Variants in CTNNBL1 observed in about 807,000 individuals in gnomAD.
CTNNBL1 encodes beta-catenin-like protein 1.
A neutral mutation model predicts 72.7 loss-of-function variants in CTNNBL1; 31 were observed. The ratio of observed to expected loss-of-function variants is 0.43; its 90% CI spans 0.32 to 0.58. The LOEUF (loss-of-function observed/expected upper bound fraction) is 0.58. CTNNBL1 is among the 20% of genes least tolerant of loss of function. The pLI, the probability that CTNNBL1 is intolerant of heterozygous loss-of-function variation, is 0.08. For synonymous variants in CTNNBL1, 240 were observed against 267.3 expected, an observed-to-expected ratio of 0.90 and a Z score of 1.00; for missense variants, 534 against 725.1, an observed-to-expected ratio of 0.74 and a Z score of 3.03.
chr20:37,817,241 A>G (rs900127008), intron 11 of CTNNBL1, among the ~76,000 whole-genome samples: 1 of 152,228 alleles, frequency 6.6e-6, no homozygotes, highest in Non-Finnish European at 1.5e-5. Flanking sequence ...TTAATCACCA[A>G]GGCAACAATC....
At chr20:37,844,431 A>G (rs1434581129) in intron 13 of CTNNBL1, among the ~76,000 whole-genome samples, 1 of 152,200 alleles carries the variant, frequency 6.6e-6, no homozygotes, top group African/African-American at 2.4e-5. Context: ...TAACTCTGCC[A>G]TTTTTGGACA....
intron 1 of CTNNBL1, among the ~76,000 whole-genome samples, chr20:37,714,988 C>A (rs1425794797): frequency 1.3e-5 from 2 of 152,172 alleles, no homozygotes; most frequent in South Asian, 4.1e-4. Context: ...CACCGCACCT[C>A]ACCCCCCCGT....
At chr20:37,782,322 A>C (rs979864791) in intron 10 of CTNNBL1, among the ~76,000 whole-genome samples, 1 of 152,190 alleles carries the variant, frequency 6.6e-6, no homozygotes, top group African/African-American at 2.4e-5. Context: ...TTATTGATGA[A>C]GAAAGATCAC....
rs1382737460 is a variant in CTNNBL1 at position 37,750,691 on chromosome 20, A to G, written c.466+4084A>G. On this transcript the variant is annotated intron_variant, in intron 4 of 15. Coordinates refer to ENST00000361383, the MANE Select transcript of CTNNBL1 (RefSeq NM_030877.5). ...AAATTGATAAATATTCTGTTTTTGT[A>G]TGTCTTTTGCCATGTTCTTAATTTG... The G allele has an allele frequency of 3.3e-5, 5 of 152,178 alleles. No homozygotes were observed. In the South Asian group the frequency reaches 8.3e-4, roughly 25 times the overall value. The allele number at this position is 152,178 out of a possible 1,614,324, so 9.4% of individuals were successfully genotyped here.
intron 10 of CTNNBL1, among the ~76,000 whole-genome samples, chr20:37,788,578 T>C (rs2073698114): frequency 1.3e-5 from 2 of 152,248 alleles, no homozygotes; most frequent in Non-Finnish European, 2.9e-5. Flanking sequence ...CAGGGGAGGC[T>C]AGGAGTCCAC....
At chr20:37,699,270 G>A (rs1310782923) in intron 1 of CTNNBL1, among the ~76,000 whole-genome samples, 3 of 152,206 alleles carry the variant, frequency 2.0e-5, no homozygotes, top group East Asian at 1.9e-4. Context: ...GGGTACCCGG[G>A]TAGTCTTACT....
At chr20:37,800,319 T>TC (rs2073813238) in intron 10 of CTNNBL1, among the ~76,000 whole-genome samples, 1 of 152,184 alleles carries the variant, frequency 6.6e-6, no homozygotes, top group African/African-American at 2.4e-5. Flanking sequence ...TGACCCGGCT[T>TC]CCCTCTCTTG....
At chr20:37,719,743 A>G (rs1469630182) in intron 1 of CTNNBL1, among the ~76,000 whole-genome samples, 1 of 152,214 alleles carries the variant, frequency 6.6e-6, no homozygotes, top group African/African-American at 2.4e-5. Flanking sequence ...GAAATGAGAT[A>G]TAATCTGTAG....
chr20:37,786,608 T>C (rs957678495), intron 10 of CTNNBL1, among the ~76,000 whole-genome samples: 5 of 152,216 alleles, frequency 3.3e-5, no homozygotes, highest in Non-Finnish European at 5.9e-5. Flanking sequence ...TATTTGTATA[T>C]ATATGGTCTA....
At chr20:37,694,207 A>AGGAGCC (rs959071953) in intron 1 of CTNNBL1, 55 bp downstream of exon 1, 54 of 1,501,618 alleles carry the variant, frequency 3.6e-5, no homozygotes, top group Admixed American at 9.2e-5. Flanking sequence ...CAGGGGTCGC[A>AGGAGCC]GGAGCCAGAG....
chr20:37,777,600 A>G, intron 8 of CTNNBL1, 54 bp from the exon 9 acceptor site: 1 of 1,562,256 alleles, frequency 6.4e-7, no homozygotes, highest in Non-Finnish European at 8.8e-7. Context: ...AGACGGCTGT[A>G]AAATCTGACA....
intron 13 of CTNNBL1, among the ~76,000 whole-genome samples, chr20:37,855,517 A>C (rs1013939666): frequency 6.6e-6 from 1 of 152,202 alleles, no homozygotes; most frequent in Non-Finnish European, 1.5e-5. Flanking sequence ...TAGCTGTTCA[A>C]GACATCTCTG....
At chr20:37,702,610 G>A (rs1050401961) in intron 1 of CTNNBL1, among the ~76,000 whole-genome samples, 3 of 152,174 alleles carry the variant, frequency 2.0e-5, no homozygotes, top group Non-Finnish European at 4.4e-5. Context: ...CAGATACAGA[G>A]CTATTCTCAT....
chr20:37,797,483 C>A (rs1294187334), intron 10 of CTNNBL1, among the ~76,000 whole-genome samples: 2 of 151,828 alleles, frequency 1.3e-5, no homozygotes, highest in African/African-American at 2.4e-5. Context: ...TCTGTACCCT[C>A]CCAGGGTAAT....
chr20:37,701,097 AT>A (rs1029001230), intron 1 of CTNNBL1, among the ~76,000 whole-genome samples: 1 of 152,186 alleles, frequency 6.6e-6, no homozygotes, highest in African/African-American at 2.4e-5. Context: ...GTCCTTACGT[AT>A]TTTGTGAGGC....
chr20:37,768,953 A>G (rs939550272), intron 7 of CTNNBL1, among the ~76,000 whole-genome samples: 5 of 151,954 alleles, frequency 3.3e-5, no homozygotes, highest in African/African-American at 9.7e-5. Context: ...TAATTTTTGT[A>G]TTTTTAGTAG....
chr20:37,861,872 G>T (rs1032289729), intron 15 of CTNNBL1, among the ~76,000 whole-genome samples: 2 of 152,206 alleles, frequency 1.3e-5, no homozygotes, highest in Non-Finnish European at 2.9e-5. Context: ...TTTAAGTGAG[G>T]CATGGCCAAA....
intron 4 of CTNNBL1, among the ~76,000 whole-genome samples, chr20:37,749,577 A>G (rs968687153): frequency 2.0e-5 from 3 of 152,012 alleles, no homozygotes; most frequent in Admixed American, 1.3e-4. Context: ...CCTGCACCCA[A>G]CTGCCCTAAT....
intron 3 of CTNNBL1, among the ~76,000 whole-genome samples, chr20:37,738,504 T>G (rs1042521937): frequency 2.0e-5 from 3 of 151,296 alleles, no homozygotes; most frequent in Non-Finnish European, 2.9e-5. Context: ...ATTTTAATGT[T>G]CTAAACCTCT....
Sources: gnomAD v4.1 joint callset for allele counts (sites outside exome capture counted in the v4.1 genomes callset) on GRCh38, gnomAD v4.1.1 for gene constraint, MANE v1.5 for transcripts, NCBI Gene and HGNC (gene_info 2026-07-23, HGNC 2026-07-21) for gene names.